PSMG1: variants seen among roughly 807,000 people sequenced by gnomAD.
PSMG1 encodes the protein Down syndrome critical region gene 2.
PSMG1 carries 23 observed loss-of-function variants against 37.2 expected under a neutral mutation model. The ratio of observed to expected loss-of-function variants is 0.62; its 90% CI spans 0.44 to 0.88. The LOEUF is 0.88. Among genes scored for constraint, PSMG1 ranks in the 40% least tolerant of loss-of-function variants. The pLI, the probability that PSMG1 is intolerant of heterozygous loss-of-function variation, is 0.00. For synonymous variants in PSMG1, 127 were observed against 128.0 expected (o/e 0.99, Z 0.05); for missense variants, 340 against 344.2 (o/e 0.99, Z 0.10).
rs142099337 is a variant in PSMG1 at position 39,181,812 on chromosome 21, C to A, written c.201G>T (p.Pro67=). 1.0e-5 allele frequency: 16 copies of A among 1,593,800 alleles called. No homozygotes were observed. In the Admixed American group the frequency reaches 2.9e-4, roughly 28 times the overall value. ...SLEVSLLEKY[P]CSKFIIAIGN... is the part of the protein sequence containing the mutation. ...CTATAGCAATTATAAACTTGGAGCA[C>A]GGATATTTTTCTAGCAAAGAAACTT... Residue 67 remains proline, a synonymous_variant, in exon 2 of 7, where the codon CCG becomes CCT. Transcript: ENST00000331573.
At chr21:39,179,260 T>C (rs1316237227) in intron 4 of PSMG1, among the ~76,000 whole-genome samples, 1 of 152,146 alleles carries the variant, frequency 6.6e-6, no homozygotes. Context: ...CAGCCTCAGG[T>C]ATTCTTTATA....
intron 1 of PSMG1, 122 bp from the exon 2 acceptor site, chr21:39,182,000 T>G: frequency 1.9e-6 from 1 of 523,888 alleles, no homozygotes; most frequent in Non-Finnish European, 3.1e-6. Flanking sequence ...AGAATATAAC[T>G]AATATCCTCA....
At chr21:39,179,719 G>A (rs1048928342) in intron 4 of PSMG1, among the ~76,000 whole-genome samples, 4 of 152,060 alleles carry the variant, frequency 2.6e-5, no homozygotes, top group Admixed American at 2.0e-4. Flanking sequence ...CATTGAGGAC[G>A]GGAGGACACA....
intron 4 of PSMG1, among the ~76,000 whole-genome samples, chr21:39,179,455 C>A (rs140129723): frequency 6.6e-6 from 1 of 152,276 alleles, no homozygotes; most frequent in African/African-American, 2.4e-5. Context: ...TTAAAAATAA[C>A]TCTCATGAAA....
rs1207092408 is a variant in PSMG1 at position 39,183,371 on chromosome 21, G to A, written c.15C>T (p.Phe5=). MAAT[F]FGEVVKAPCR... is the part of the protein sequence containing the mutation. ...ACGGCGCCTTCACCACCTCTCCGAA[G>A]AACGTGGCCGCCATAGCCGCCCCGT... Residue 5 remains phenylalanine (F), a synonymous_variant, in exon 1 of 7, where the codon TTC becomes TTT. Transcript: ENST00000331573. 1 of 1,574,120 alleles carries A rather than the reference G, an allele frequency of 6.4e-7. No homozygotes were observed. Among genetic ancestry groups the A allele is most frequent in the Non-Finnish European group, 8.6e-7 (1 of 1,164,224 alleles).
chr21:39,175,521 C>T lies in PSMG1; in HGVS notation c.*69G>A. On this transcript the variant is annotated 3_prime_UTR_variant, in exon 7 of 7. Transcript: ENST00000331573. Reference sequence around the variant, plus strand: ...AAATATATCCCCCAAAAGTAATCTACAAAAGAGTGCAGGCTGCTCCCCTTA... The same window carrying T: ...AAATATATCCCCCAAAAGTAATCTATAAAAGAGTGCAGGCTGCTCCCCTTA... The T allele has an allele frequency of 2.0e-6, 3 of 1,481,194 alleles. No individual in the cohort carries two copies. The highest frequency in any genetic ancestry group is 2.7e-6 in the Non-Finnish European group (3 of 1,112,366). 91.8% of individuals were successfully genotyped at this position (1,481,194 alleles called of 1,614,324 possible). A position where few individuals can be genotyped will look rare whatever the true frequency, so the allele number is the denominator to read the frequency against.
intron 1 of PSMG1, chr21:39,183,020 G>A: frequency 1.9e-6 from 1 of 515,560 alleles, no homozygotes; most frequent in Non-Finnish European, 3.3e-6. Flanking sequence ...CTTCACCCTG[G>A]ACTCCACGAA....
chr21:39,176,843 A>G, intron 6 of PSMG1, among the ~76,000 whole-genome samples: 1 of 152,234 alleles, frequency 6.6e-6, no homozygotes, highest in East Asian at 1.9e-4. Flanking sequence ...CTTTAAAGAA[A>G]CCATGCTTAA....
intron 4 of PSMG1, 187 bp from the exon 5 acceptor site, chr21:39,178,834 G>A (rs2030721646): frequency 1.7e-6 from 1 of 605,262 alleles, no homozygotes; most frequent in Non-Finnish European, 2.9e-6. Context: ...CTGCTTTCTA[G>A]GTGGGCAATT....
At chr21:39,182,155 C>A (rs559471528) in intron 1 of PSMG1, among the ~76,000 whole-genome samples, 2 of 152,136 alleles carry the variant, frequency 1.3e-5, no homozygotes, top group South Asian at 4.1e-4. Flanking sequence ...CTGGGGATAG[C>A]CTGCAATAAG....
chr21:39,176,664 A>T (rs1022277754), intron 6 of PSMG1, among the ~76,000 whole-genome samples: 3 of 152,234 alleles, frequency 2.0e-5, no homozygotes, highest in Non-Finnish European at 4.4e-5. Flanking sequence ...GGGATACCAA[A>T]ATTAAAAATC....
rs768605180 is a variant in PSMG1, at chr21:39,177,569, G to A, written c.658C>T (p.Leu220=). The change falls in exon 6 of 7, where the codon CTA becomes TTA. Residue 220 remains leucine (L), a splice_region_variant and synonymous_variant. Transcript: ENST00000331573. ...NIVHDLPAAV[L]SYCQVWKIPA... ...ATTTTCCATACTTGACAGTAGCTTA[G>A]AACTATGAATACACAAGAAAAAAAA... 2.6e-6 allele frequency: 4 copies of A among 1,549,890 alleles called. No individual in the cohort carries two copies. Among genetic ancestry groups the A allele is most frequent in the Non-Finnish European group, 3.5e-6 (4 of 1,152,284 alleles).
rs1470018073 is a variant in PSMG1, at chr21:39,178,489, C to G, written c.615G>C (p.Leu205Phe). Reference sequence around the variant, plus strand: ...CGTGTACTATATTCGGTTGTTCTAGCAATGGACAACACGCCGAGTCTTTGA... The same window carrying G: ...CGTGTACTATATTCGGTTGTTCTAGGAATGGACAACACGCCGAGTCTTTGA... ...QNFKDSACCP[L>F]LEQPNIVHDL... is the part of the protein sequence containing the mutation. The change falls in exon 5 of 7, where the codon TTG becomes TTC. Residue 205 changes from leucine to phenylalanine, a missense_variant. Physicochemically the swap from Leu to Phe is conservative, Grantham distance 22. Transcript: ENST00000331573. 2 of 1,613,904 alleles carry G rather than the reference C, an allele frequency of 1.2e-6. No homozygotes were observed. Among genetic ancestry groups the G allele is most frequent in the African/African-American group, 2.7e-5 (2 of 74,888 alleles).
At chr21:39,183,135 C>T in intron 1 of PSMG1, 117 bp downstream of exon 1, 5 of 1,304,054 alleles carry the variant, frequency 3.8e-6, no homozygotes, top group Non-Finnish European at 5.0e-6. Context: ...GGAGCGGCGG[C>T]AACCGCGGGG....
chr21:39,181,279 G>T (rs529710100), intron 2 of PSMG1, among the ~76,000 whole-genome samples: 1 of 152,058 alleles, frequency 6.6e-6, no homozygotes, highest in Admixed American at 6.5e-5. Flanking sequence ...AGGACTACAG[G>T]CAAGCACCAC....
chr21:39,183,476 T>C (rs2030959287), upstream of PSMG1: 2 of 1,434,462 alleles, frequency 1.4e-6, no homozygotes, highest in Non-Finnish European at 1.8e-6. Flanking sequence ...GCGCGGGCAA[T>C]AAGTCCCGCC....
intron 1 of PSMG1, 73 bp downstream of exon 1, chr21:39,183,179 G>A (rs972919838): frequency 2.1e-6 from 3 of 1,433,988 alleles, no homozygotes; most frequent in South Asian, 1.4e-5. Flanking sequence ...CCGGCCTTAG[G>A]CGCCGTCGCG....
intron 1 of PSMG1, 93 bp downstream of exon 1, chr21:39,183,159 C>G: frequency 2.9e-6 from 4 of 1,387,386 alleles, no homozygotes; most frequent in Non-Finnish European, 3.7e-6. Flanking sequence ...ACTCGGAAGA[C>G]CGCGGAGCCC....
At chr21:39,181,683 C>T (rs2030832017) in intron 2 of PSMG1, 89 bp downstream of exon 2, 1 of 917,248 alleles carries the variant, frequency 1.1e-6, no homozygotes, top group African/African-American at 1.7e-5. Context: ...TTTTAAAGTA[C>T]TAAACATTTT....
Sources: allele counts gnomAD v4.1 joint callset (sites outside exome capture counted in the v4.1 genomes callset), GRCh38; gene constraint gnomAD v4.1.1; transcripts MANE v1.5; gene names NCBI Gene and HGNC (gene_info 2026-07-23, HGNC 2026-07-21).